MALRD1: variants seen among roughly 807,000 people sequenced by gnomAD.
The protein encoded by MALRD1 is MAM and LDL-receptor class A domain-containing protein 1.
In MALRD1, 247 loss-of-function variants were observed where a neutral mutation model predicts 242.1. The ratio of observed to expected loss-of-function variants is 1.02; its 90% CI spans 0.92 to 1.13. The LOEUF (loss-of-function observed/expected upper bound fraction) is 1.13. Among genes scored for constraint, MALRD1 ranks in the 50% most tolerant of loss-of-function variants. The pLI is 0.00. For missense variants in MALRD1, 2,989 were observed against 2,533.1 expected (o/e 1.18, Z -3.86); for synonymous variants, 995 against 866.6 (o/e 1.15, Z -2.60).
At position 19,498,538 on chromosome 10, in the gene MALRD1, T is replaced by A; in HGVS notation, c.5212T>A (p.Trp1738Arg). 6.5e-7 allele frequency: 1 copy of A among 1,550,314 alleles called. No homozygotes were observed. The highest frequency in any genetic ancestry group is 8.7e-7 in the Non-Finnish European group (1 of 1,146,852). The change falls in exon 31 of 40, where the codon TGG becomes AGG. Residue 1738 changes from tryptophan to arginine, a missense_variant. Trp to Arg is a moderately radical substitution (Grantham distance 101). Transcript: ENST00000454679. ...CAATTTTGAAACAAGTTCAGGAAAC[T>A]GGACCACAGCCTGCAGTCTTACTCA... ...SCNFETSSGN[W>R]TTACSLTQDS...
Position 19,347,944 on chromosome 10 carries a change from T to C in MALRD1, c.4075T>C (p.Leu1359=), listed in dbSNP as rs998747491. The change falls in exon 25 of 40, where the codon TTG becomes CTG. Residue 1359 remains leucine, a synonymous_variant. Transcript: ENST00000454679. ...TGGTCATTACATCTTTATAAAGAGT[T>C]TGTTTCCTCAGCAGCCCATGAGAGC... ...SSGHYIFIKS[L]FPQQPMRAAR... is the part of the protein sequence containing the mutation. 1.3e-6 allele frequency: 2 copies of C among 1,550,370 alleles called. No homozygotes were observed. The highest frequency in any genetic ancestry group is 1.7e-6 in the Non-Finnish European group (2 of 1,146,834).
At chr10:19,316,723 A>T (rs1356665453) in intron 21 of MALRD1, among the ~76,000 whole-genome samples, 1 of 151,812 alleles carries the variant, frequency 6.6e-6, no homozygotes, top group Non-Finnish European at 1.5e-5. Context: ...TGGACATAAA[A>T]CAGTTGAACT....
intron 13 of MALRD1, among the ~76,000 whole-genome samples, chr10:19,171,563 TACAC>T (rs1204991920): frequency 2.1e-5 from 3 of 139,642 alleles, no homozygotes; most frequent in East Asian, 2.1e-4. Context: ...TGTATATAAA[TACAC>T]ACACACATAT....
At chr10:19,708,504 A>ATTTTT (rs35508391) in intron 38 of MALRD1, among the ~76,000 whole-genome samples, 14 of 56,824 alleles carry the variant, frequency 2.5e-4, no homozygotes, top group East Asian at 1.0e-3. Flanking sequence ...ACTCCCAGCT[A>ATTTTT]TTTTTTTTTT....
chr10:19,278,209 T>G (rs1164281254), intron 19 of MALRD1, among the ~76,000 whole-genome samples: 2 of 152,190 alleles, frequency 1.3e-5, no homozygotes, highest in African/African-American at 4.8e-5. Context: ...AAAAACAGTT[T>G]AATGTATTTC....
intron 21 of MALRD1, among the ~76,000 whole-genome samples, chr10:19,312,125 G>T (rs16915695): frequency 0.14 from 20,821 of 151,068 alleles, 1,443 homozygotes; most frequent in Non-Finnish European, 0.15. Flanking sequence ...CATATACCAC[G>T]CATTAAAATA....
chr10:19,403,164 C>CA (rs796811427), intron 28 of MALRD1, among the ~76,000 whole-genome samples: 8 of 149,772 alleles, frequency 5.3e-5, no homozygotes, highest in South Asian at 2.1e-4. Flanking sequence ...TTATGTTTTC[C>CA]AAAAAAAAAG....
rs1564468755 is a variant in MALRD1 at position 19,209,416 on chromosome 10, A to C, written c.2727A>C (p.Gly909=). The C allele has an allele frequency of 6.4e-7, 1 of 1,550,904 alleles. No individual in the cohort carries two copies. Among genetic ancestry groups the C allele is most frequent in the Non-Finnish European group, 8.7e-7 (1 of 1,147,090 alleles). ...ATAACACTCTGGGCACAGCTAAAGGACACTATCTCTACATAGAATCTTCAG... is the reference window on the plus strand; with the variant it reads ...ATAACACTCTGGGCACAGCTAAAGGCCACTATCTCTACATAGAATCTTCAG... ...MKDNTLGTAK[G]HYLYIESSEP... is the part of the protein sequence containing the mutation. Residue 909 remains glycine, a synonymous_variant, in exon 18 of 40, where the codon GGA becomes GGC. Coordinates refer to ENST00000454679, the MANE Select transcript of MALRD1 (RefSeq NM_001142308.3).
intron 19 of MALRD1, among the ~76,000 whole-genome samples, chr10:19,259,024 G>A (rs563968143): frequency 6.6e-6 from 1 of 152,154 alleles, no homozygotes; most frequent in Admixed American, 6.6e-5. Flanking sequence ...GTCTATGCAT[G>A]GATTATTGCA....
intron 31 of MALRD1, among the ~76,000 whole-genome samples, chr10:19,500,320 C>T (rs755587621): frequency 6.6e-6 from 1 of 152,100 alleles, no homozygotes; most frequent in Non-Finnish European, 1.5e-5. Context: ...ATGAACAGGA[C>T]AGAGAATCAA....
chr10:19,122,874 T>G (rs920831176), intron 5 of MALRD1, among the ~76,000 whole-genome samples: 10 of 152,228 alleles, frequency 6.6e-5, no homozygotes, highest in African/African-American at 2.4e-4. Context: ...TATGGATGCC[T>G]GCCACCACGC....
intron 28 of MALRD1, among the ~76,000 whole-genome samples, chr10:19,410,619 C>T (rs1481242358): frequency 2.0e-5 from 3 of 151,310 alleles, no homozygotes; most frequent in South Asian, 4.2e-4. Context: ...AGCTAGTGAA[C>T]AACTTCCTTC....
rs1316716339 is a variant in MALRD1, at chr10:19,283,318, TTTCATAC to T, written c.3419+138_3419+144del. 1.1e-4 allele frequency: 81 copies of T among 728,490 alleles called. No individual in the cohort carries two copies. In the East Asian group the frequency reaches 2.7e-3, roughly 24 times the overall value. 45.1% of individuals were successfully genotyped at this position (728,490 alleles called of 1,614,324 possible). A position where few individuals can be genotyped will look rare whatever the true frequency, so the allele number is the denominator to read the frequency against. On this transcript the variant is annotated intron_variant, in intron 21 of 39. Transcript: ENST00000454679. The stretch of plus-strand genomic sequence containing the variant: ...TTAAGTTGAAAAGGAGGCTGTTTTC[TTTCATAC>T]AAAATGGAAAAATTATCAATTAAAA...
chr10:19,420,554 C>T (rs1406518535), intron 28 of MALRD1, among the ~76,000 whole-genome samples: 1 of 151,924 alleles, frequency 6.6e-6, no homozygotes, highest in Admixed American at 6.6e-5. Flanking sequence ...CTATATTTAA[C>T]TAATGCTCAT....
intron 29 of MALRD1, among the ~76,000 whole-genome samples, chr10:19,477,155 TA>T: frequency 6.6e-6 from 1 of 152,316 alleles, no homozygotes; most frequent in Admixed American, 6.5e-5. Context: ...AATAGAATTT[TA>T]ATCTTATATT....
Position 19,204,321 on chromosome 10 carries a change from C to G in MALRD1, c.2118C>G (p.Phe706Leu), listed in dbSNP as rs750408223. ...SLNASQGHFM[F>L]ILKKSSSLWQ... The stretch of plus-strand genomic sequence containing the variant: ...TTATCTCAACAGGGCATTTTATGTT[C>G]ATTCTGAAGAAAAGCAGCAGCTTGT... Residue 706 changes from phenylalanine (F) to leucine (L), a missense_variant, in exon 16 of 40, where the codon TTC (phenylalanine) becomes TTG (leucine). Physicochemically the swap from Phe to Leu is conservative, Grantham distance 22 (BLOSUM62 0). Coordinates refer to ENST00000454679, the MANE Select transcript of MALRD1 (RefSeq NM_001142308.3). 5.5e-5 allele frequency: 76 copies of G among 1,391,338 alleles called. No homozygotes were observed. Among genetic ancestry groups the G allele is most frequent in the Middle Eastern group, 3.8e-4 (2 of 5,316 alleles). The allele number at this position is 1,391,338 out of a possible 1,614,324, so 86.2% of individuals were successfully genotyped here.
intron 36 of MALRD1, among the ~76,000 whole-genome samples, chr10:19,677,682 T>C (rs1020093879): frequency 3.3e-5 from 5 of 152,194 alleles, no homozygotes; most frequent in African/African-American, 1.2e-4. Context: ...TTAGATCCCA[T>C]TTGTCAATGT....
At chr10:19,360,489 A>G (rs1844843495) in intron 26 of MALRD1, among the ~76,000 whole-genome samples, 1 of 151,986 alleles carries the variant, frequency 6.6e-6, no homozygotes, top group Non-Finnish European at 1.5e-5. Context: ...TGGCAGCTAG[A>G]TTGTCTACCC....
At chr10:19,574,769 G>C (rs1836725639) in intron 33 of MALRD1, among the ~76,000 whole-genome samples, 2 of 152,172 alleles carry the variant, frequency 1.3e-5, no homozygotes, top group Admixed American at 1.3e-4. Flanking sequence ...ATTTGGAGGA[G>C]AGGATTAGGG....
Sources: allele counts gnomAD v4.1 joint callset (sites outside exome capture counted in the v4.1 genomes callset), GRCh38; gene constraint gnomAD v4.1.1; transcripts MANE v1.5; gene names NCBI Gene and HGNC (gene_info 2026-07-23, HGNC 2026-07-21).